EXOC6B: variants seen among roughly 807,000 people sequenced by gnomAD.
The protein encoded by EXOC6B is SEC15 homolog B.
EXOC6B carries 54 observed loss-of-function variants against 113.5 expected under a neutral mutation model. The observed-to-expected ratio is 0.48, with a 90% CI of 0.38 to 0.60. The LOEUF is 0.60. EXOC6B is among the 20% of genes least tolerant of loss of function. The pLI is 0.00. For synonymous variants in EXOC6B, 357 were observed against 339.0 expected, an observed-to-expected ratio of 1.05 and a Z score of -0.58; for missense variants, 797 against 977.5, an observed-to-expected ratio of 0.82 and a Z score of 2.46.
At chr2:72,673,902 G>A (rs1676094944) in intron 6 of EXOC6B, among the ~76,000 whole-genome samples, 1 of 151,500 alleles carries the variant, frequency 6.6e-6, no homozygotes, top group Non-Finnish European at 1.5e-5. Flanking sequence ...ACCACCATCA[G>A]CCCTCAATTA....
chr2:72,732,320 G>T (rs1027948348), intron 3 of EXOC6B, among the ~76,000 whole-genome samples: 4 of 151,390 alleles, frequency 2.6e-5, no homozygotes, highest in Non-Finnish European at 1.5e-5. Flanking sequence ...GGTTATGGTT[G>T]TTTTTTTTGT....
At chr2:72,422,027 G>A (rs1694908251) in intron 18 of EXOC6B, among the ~76,000 whole-genome samples, 2 of 152,232 alleles carry the variant, frequency 1.3e-5, no homozygotes, top group Non-Finnish European at 2.9e-5. Context: ...CACCGGTGCT[G>A]CGCTCGATTT....
In EXOC6B at chr2:72,704,406, C is replaced by G. The variant is rs1203202110; in HGVS notation, c.669+13697G>C. 2.2e-3 allele frequency among the ~76,000 whole-genome samples: 331 copies of G among 148,904 alleles called. 1 individual carries two copies. Among genetic ancestry groups the G allele is most frequent in the African/African-American group, 7.6e-3 (310 of 40,636 alleles). ...ATCCAAAATTGACACCCTAACATCA[C>G]AATTAAAAGAACTAGAAAAGCAAGA... On this transcript the variant is annotated intron_variant, in intron 6 of 21. Coordinates refer to ENST00000272427, the MANE Select transcript of EXOC6B (RefSeq NM_015189.3).
intron 8 of EXOC6B, among the ~76,000 whole-genome samples, chr2:72,534,907 T>A (rs1157084316): frequency 6.6e-6 from 1 of 152,168 alleles, no homozygotes; most frequent in Non-Finnish European, 1.5e-5. Flanking sequence ...GTTTCTTTTT[T>A]CCAGGAATGG....
intron 20 of EXOC6B, among the ~76,000 whole-genome samples, chr2:72,310,646 A>G (rs1687130629): frequency 6.6e-6 from 1 of 152,122 alleles, no homozygotes; most frequent in East Asian, 1.9e-4. Flanking sequence ...AAAAAAGCAA[A>G]CAAAAGAAAC....
chr2:72,568,779 A>G (rs1390156807), intron 7 of EXOC6B, among the ~76,000 whole-genome samples: 2 of 152,020 alleles, frequency 1.3e-5, no homozygotes, highest in Non-Finnish European at 2.9e-5. Flanking sequence ...CTTGGCAAGA[A>G]GAAGGGGGTA....
chr2:72,779,251 A>G (rs1683888600), intron 1 of EXOC6B, among the ~76,000 whole-genome samples: 1 of 151,842 alleles, frequency 6.6e-6, no homozygotes, highest in African/African-American at 2.4e-5. Flanking sequence ...AAAAACTCAG[A>G]ATCCCACACT....
chr2:72,380,559 A>G (rs1339004937), intron 18 of EXOC6B, among the ~76,000 whole-genome samples: 1 of 151,962 alleles, frequency 6.6e-6, no homozygotes, highest in Non-Finnish European at 1.5e-5. Flanking sequence ...AGAATGGCAT[A>G]AACCCGGGAG....
At chr2:72,498,267 T>C (rs937053780) in intron 13 of EXOC6B, among the ~76,000 whole-genome samples, 187 bp downstream of exon 13, 1 of 152,212 alleles carries the variant, frequency 6.6e-6, no homozygotes, top group Non-Finnish European at 1.5e-5. Flanking sequence ...AGACTGGATA[T>C]CTTGGGAACT....
intron 6 of EXOC6B, among the ~76,000 whole-genome samples, chr2:72,713,424 T>C (rs185507320): frequency 4.9e-5 from 7 of 143,728 alleles, no homozygotes; most frequent in Admixed American, 4.1e-4. Context: ...GAACAAATTC[T>C]TTTTTTTTTC....
In EXOC6B at chr2:72,653,191, T is replaced by G. The variant is rs1361716826; in HGVS notation, c.669+64912A>C. On this transcript the variant is annotated intron_variant, in intron 6 of 21. Coordinates refer to ENST00000272427, the MANE Select transcript of EXOC6B (RefSeq NM_015189.3). ...ACAATGATAGACTGGATTAAGAAAA[T>G]GTGGCACATATACACCATGGAATAC... 3.3e-5 allele frequency among the ~76,000 whole-genome samples: 5 copies of G among 150,680 alleles called. No homozygotes were observed. In the South Asian group the frequency reaches 6.4e-4, roughly 19 times the overall value.
intron 6 of EXOC6B, among the ~76,000 whole-genome samples, chr2:72,585,446 A>C (rs1464935499): frequency 6.6e-6 from 1 of 151,990 alleles, no homozygotes; most frequent in Non-Finnish European, 1.5e-5. Flanking sequence ...AAAAATACAA[A>C]ATCTGCCAGG....
rs571477981 is a variant in EXOC6B, at chr2:72,777,769, T to A, written c.114-36300A>T. Among the ~76,000 whole-genome samples, 5 of 152,094 alleles carry A rather than the reference T, an allele frequency of 3.3e-5. No homozygotes were observed. In the South Asian group the frequency reaches 1.0e-3, roughly 32 times the overall value. On this transcript the variant is annotated intron_variant, in intron 1 of 21. Transcript: ENST00000272427. ...CAATACATATCTCTGTTGATGAGCA[T>A]ACATTGTATAAAGATGTAATTTATA... is the stretch of plus-strand genomic sequence containing the variant.
chr2:72,334,938 A>T lies in EXOC6B; in HGVS notation c.2196+9T>A, dbSNP rs768719624. Reference sequence around the variant, plus strand: ...AAGAAAAACAAAAAACAAAAACACAAAGACTTACTTGTCTCAAGTCGATGA... The same window carrying T: ...AAGAAAAACAAAAAACAAAAACACATAGACTTACTTGTCTCAAGTCGATGA... On this transcript the variant is annotated intron_variant, in intron 20 of 21. Transcript: ENST00000272427. The T allele has an allele frequency of 1.2e-6, 2 of 1,612,580 alleles. No homozygotes were observed. Among genetic ancestry groups the T allele is most frequent in the Non-Finnish European group, 1.7e-6 (2 of 1,178,962 alleles).
chr2:72,656,641 A>G (rs1343986496), intron 6 of EXOC6B, among the ~76,000 whole-genome samples: 1 of 152,152 alleles, frequency 6.6e-6, no homozygotes, highest in Non-Finnish European at 1.5e-5. Flanking sequence ...TTATTGAGTA[A>G]GGGTGAAAGT....
chr2:72,791,216 C>T (rs923078538), intron 1 of EXOC6B, among the ~76,000 whole-genome samples: 1 of 152,112 alleles, frequency 6.6e-6, no homozygotes, highest in Non-Finnish European at 1.5e-5. Flanking sequence ...TGTATACATG[C>T]ATCAAAGTAT....
chr2:72,722,879 T>C lies in EXOC6B; in HGVS notation c.465-4572A>G, dbSNP rs549103180. On this transcript the variant is annotated intron_variant, in intron 5 of 21. Transcript: ENST00000272427. ...AAGGCACATTCACTGATGAGACACA[T>C]GGCTCATGCTGAAAACATCTGGTCT... Among the ~76,000 whole-genome samples the C allele has an allele frequency of 2.0e-5, 3 of 152,332 alleles. No individual in the cohort carries two copies. In the East Asian group the frequency reaches 5.8e-4, roughly 29 times the overall value.
intron 6 of EXOC6B, among the ~76,000 whole-genome samples, chr2:72,687,422 C>A (rs914230667): frequency 1.3e-5 from 2 of 152,070 alleles, no homozygotes; most frequent in Non-Finnish European, 2.9e-5. Context: ...CAAACACATG[C>A]ACTAAGCTCA....
intron 6 of EXOC6B, among the ~76,000 whole-genome samples, chr2:72,669,720 G>A (rs924076518): frequency 7.9e-5 from 12 of 152,208 alleles, no homozygotes; most frequent in African/African-American, 1.9e-4. Context: ...TGAGAAACGC[G>A]TGGAAGTTGT....
Sources: gnomAD v4.1 joint callset for allele counts (sites outside exome capture counted in the v4.1 genomes callset) on GRCh38, gnomAD v4.1.1 for gene constraint, MANE v1.5 for transcripts, NCBI Gene and HGNC (gene_info 2026-07-23, HGNC 2026-07-21) for gene names.